The following CMIP variants were observed in gnomAD, a reference collection of about 807,000 sequenced individuals.
CMIP encodes C-Maf-inducing protein.
CMIP carries 13 observed loss-of-function variants against 97.3 expected under a neutral mutation model. The ratio of observed to expected loss-of-function variants is 0.13; its 90% CI spans 0.09 to 0.21. The LOEUF (loss-of-function observed/expected upper bound fraction) is 0.21. Ranked by LOEUF, CMIP falls within the 10% of genes least tolerant of loss-of-function variation. The pLI is 1.00. For synonymous variants in CMIP, 538 were observed against 436.3 expected (o/e 1.23, Z -2.91); for missense variants, 847 against 1,024.9 (o/e 0.83, Z 2.37).
chr16:81,452,885 G>GTTTTTTTTTTTTTTTTTTTTTTT (rs558606255), intron 1 of CMIP, among the ~76,000 whole-genome samples: 11 of 129,238 alleles, frequency 8.5e-5, no homozygotes, highest in African/African-American at 2.3e-4. Context: ...TTTTTGTTTT[G>GTTTTTTTTTTTTTTTTTTTTTTT]TTTTTTTTTT....
Position 81,652,304 on chromosome 16 carries a change from C to T in CMIP, c.579C>T (p.Pro193=), listed in dbSNP as rs746236947. 2.4e-5 allele frequency: 38 copies of T among 1,613,848 alleles called. No individual in the cohort carries two copies. The highest frequency in any genetic ancestry group is 3.1e-5 in the Non-Finnish European group (37 of 1,179,848). ...RTLVDMALTS[P]LQDDSINQAP... ...TGGTGGACATGGCCCTGACATCCCC[C>T]CTGCAGGATGACTCCATCAACCAGG... Residue 193 remains proline, a synonymous_variant, in exon 4 of 21, where the codon CCC becomes CCT. Coordinates refer to ENST00000537098, the MANE Select transcript of CMIP (RefSeq NM_198390.3). The surrounding 1 kb of genome is among the most constrained non-coding windows in gnomAD (Gnocchi z 5.2).
At chr16:81,620,804 G>T in intron 2 of CMIP, 72 bp from the exon 3 acceptor site, 1 of 1,582,074 alleles carries the variant, frequency 6.3e-7, no homozygotes, top group South Asian at 1.1e-5. Context: ...GGGCTCACAT[G>T]CTGGCCTTGA....
At chr16:81,477,650 A>T (rs1159737496) in intron 1 of CMIP, among the ~76,000 whole-genome samples, 2 of 152,256 alleles carry the variant, frequency 1.3e-5, no homozygotes, top group Non-Finnish European at 2.9e-5. Flanking sequence ...AGCAGCTTAA[A>T]CACAGCAGAA....
chr16:81,457,533 G>C (rs1906626696), intron 1 of CMIP, among the ~76,000 whole-genome samples: 1 of 152,212 alleles, frequency 6.6e-6, no homozygotes, highest in Non-Finnish European at 1.5e-5. Context: ...CCACCTGCCA[G>C]GTGCTGGCCC....
At chr16:81,467,695 C>T (rs1435820344) in intron 1 of CMIP, among the ~76,000 whole-genome samples, 1 of 151,406 alleles carries the variant, frequency 6.6e-6, no homozygotes, top group Non-Finnish European at 1.5e-5. Flanking sequence ...ATTCTCTTGC[C>T]TCTACCTCTC....
At chr16:81,691,691 C>G in intron 10 of CMIP, 84 bp from the exon 11 acceptor site, 3 of 1,091,210 alleles carry the variant, frequency 2.7e-6, no homozygotes, top group Non-Finnish European at 4.2e-6. Flanking sequence ...CTCACCCCAT[C>G]TTTTGGCCCA....
intron 1 of CMIP, among the ~76,000 whole-genome samples, chr16:81,492,598 A>G (rs1310987229): frequency 1.3e-5 from 2 of 151,804 alleles, no homozygotes; most frequent in East Asian, 3.9e-4. Context: ...CTTGCTGGCC[A>G]GGCCAGGCTA....
intron 2 of CMIP, 90 bp downstream of exon 2, chr16:81,607,782 A>G (rs189046760): frequency 1.0e-5 from 14 of 1,384,078 alleles, no homozygotes; most frequent in African/African-American, 1.4e-5. Flanking sequence ...GCCAGCAGCT[A>G]TCAAGAGGAA....
rs1487031490 is a variant in CMIP, at chr16:81,655,142, C to T, written c.640-2633C>T. On this transcript the variant is annotated intron_variant, in intron 4 of 20. Transcript: ENST00000537098. The surrounding 1 kb of genome is among the most constrained non-coding windows in gnomAD (Gnocchi z 4.9). The stretch of plus-strand genomic sequence containing the variant: ...TAGGAGATGTCTGTGGTCTGAACCC[C>T]GTAAGCACCTTCAGCCAGGGGTCTG... Among the ~76,000 whole-genome samples the T allele has an allele frequency of 3.3e-5, 5 of 152,254 alleles. No individual in the cohort carries two copies. In the East Asian group the frequency reaches 5.8e-4, roughly 18 times the overall value.
chr16:81,560,328 C>T (rs1047959715), intron 1 of CMIP, among the ~76,000 whole-genome samples: 3 of 151,418 alleles, frequency 2.0e-5, no homozygotes, highest in Non-Finnish European at 3.0e-5. Flanking sequence ...ACGCCATTCT[C>T]CTGCCTCAGC....
intron 1 of CMIP, among the ~76,000 whole-genome samples, chr16:81,457,207 C>T (rs910856657): frequency 1.3e-5 from 2 of 152,036 alleles, no homozygotes; most frequent in African/African-American, 2.4e-5. Flanking sequence ...TCCAGGGCTA[C>T]CTTCCCCAGT....
At chr16:81,561,651 G>GGAAAAT (rs1480067829) in intron 1 of CMIP, among the ~76,000 whole-genome samples, 1 of 152,156 alleles carries the variant, frequency 6.6e-6, no homozygotes, top group Non-Finnish European at 1.5e-5. Context: ...GGAGAGCTTT[G>GGAAAAT]GAAGGTTTTG....
chr16:81,659,400 AGGGAGGGTCCT>A (rs897627095), intron 5 of CMIP, among the ~76,000 whole-genome samples: 3 of 152,190 alleles, frequency 2.0e-5, no homozygotes, highest in Non-Finnish European at 2.9e-5. Flanking sequence ...AACCTCTGTC[AGGGAGGGTCCT>A]GGGAGGATGA....
At chr16:81,594,071 C>T (rs1229454699) in intron 1 of CMIP, among the ~76,000 whole-genome samples, 1 of 97,456 alleles carries the variant, frequency 1.0e-5, no homozygotes, top group East Asian at 3.6e-4. Context: ...CCCCCTCCCC[C>T]TCTTCCCCCG....
At chr16:81,485,692 TC>T (rs2089303364) in intron 1 of CMIP, among the ~76,000 whole-genome samples, 2 of 152,242 alleles carry the variant, frequency 1.3e-5, no homozygotes, top group South Asian at 4.1e-4. Flanking sequence ...ATATGCCAGA[TC>T]CTTTTTTGAG....
At chr16:81,518,363 C>T (rs1014115641) in intron 1 of CMIP, 1 of 152,258 alleles carries the variant, frequency 6.6e-6, no homozygotes, top group South Asian at 2.1e-4. Context: ...ACAGTGGCCA[C>T]CACTTCATGG....
At chr16:81,613,859 G>T (rs1315308197) in intron 2 of CMIP, among the ~76,000 whole-genome samples, 1 of 152,124 alleles carries the variant, frequency 6.6e-6, no homozygotes, top group Non-Finnish European at 1.5e-5. Flanking sequence ...ATCCATCCAT[G>T]TCTCCATCTA....
At chr16:81,569,631 G>A (rs930888286) in intron 1 of CMIP, among the ~76,000 whole-genome samples, 17 of 152,228 alleles carry the variant, frequency 1.1e-4, no homozygotes, top group Admixed American at 6.5e-5. Flanking sequence ...GATTTGCAAT[G>A]CTTGCCCGTT....
chr16:81,447,218 C>G (rs1905909739), intron 1 of CMIP, among the ~76,000 whole-genome samples: 1 of 149,888 alleles, frequency 6.7e-6, no homozygotes. Context: ...TCACCTGGCT[C>G]AGGGGGACTT....
Sources: allele counts gnomAD v4.1 joint callset (sites outside exome capture counted in the v4.1 genomes callset), GRCh38; gene constraint gnomAD v4.1.1; non-coding constraint Gnocchi (gnomAD v3.1); transcripts MANE v1.5; gene names NCBI Gene and HGNC (gene_info 2026-07-23, HGNC 2026-07-21).